The following ELP4 variants were observed in gnomAD, a reference collection of about 807,000 sequenced individuals.
The protein encoded by ELP4 is elongator complex protein 4.
A neutral mutation model predicts 48.9 loss-of-function variants in ELP4; 51 were observed. The ratio of observed to expected loss-of-function variants is 1.04; its 90% CI spans 0.83 to 1.32. The LOEUF is 1.32. ELP4 is among the 40% of genes most tolerant of loss of function. The pLI, the probability that ELP4 is intolerant of heterozygous loss-of-function variation, is 0.00. For synonymous variants in ELP4, 210 were observed against 189.2 expected, an observed-to-expected ratio of 1.11 and a Z score of -0.90; for missense variants, 519 against 514.6, an observed-to-expected ratio of 1.01 and a Z score of -0.08.
At chr11:31,532,898 A>G (rs1422483794) in intron 2 of ELP4, among the ~76,000 whole-genome samples, 5 of 150,742 alleles carry the variant, frequency 3.3e-5, no homozygotes, top group Non-Finnish European at 5.9e-5. Flanking sequence ...CAGCCTCCCA[A>G]GTAGCTGAGA....
chr11:31,605,994 A>G (rs1286920212), intron 5 of ELP4, among the ~76,000 whole-genome samples: 1 of 151,928 alleles, frequency 6.6e-6, no homozygotes, highest in East Asian at 1.9e-4. Context: ...ACACCCACCA[A>G]CGTAGGTGCC....
intron 7 of ELP4, among the ~76,000 whole-genome samples, chr11:31,640,679 C>G (rs1024081869): frequency 6.6e-6 from 1 of 151,890 alleles, no homozygotes; most frequent in African/African-American, 2.4e-5. Flanking sequence ...AAGCTCTTAG[C>G]CACAAAATGT....
intron 9 of ELP4, chr11:31,652,555 TACTGTTTTAATACTC>T (rs1180005107): frequency 2.0e-5 from 3 of 151,744 alleles, no homozygotes; most frequent in African/African-American, 7.2e-5. Flanking sequence ...GAGCAAATGC[TACTGTTTTAATACTC>T]ACAACAAATA....
intron 6 of ELP4, among the ~76,000 whole-genome samples, chr11:31,630,390 G>A (rs1944837115): frequency 6.6e-6 from 1 of 150,956 alleles, no homozygotes. Flanking sequence ...GTGAGGTGGG[G>A]CAATCTCAGC....
At chr11:31,733,981 A>G (rs1947249738) in intron 9 of ELP4, among the ~76,000 whole-genome samples, 1 of 152,218 alleles carries the variant, frequency 6.6e-6, no homozygotes. Context: ...AAAACCTAGC[A>G]AATCAAATTC....
rs920678567 is a variant in ELP4, at chr11:31,786,887, G to A, written c.*3363G>A. The A allele has an allele frequency of 9.1e-6, 2 of 218,656 alleles. No homozygotes were observed. Among genetic ancestry groups the A allele is most frequent in the Non-Finnish European group, 9.2e-6 (1 of 109,088 alleles). The allele number at this position is 218,656 out of a possible 1,614,324, so 13.5% of individuals were successfully genotyped here. On this transcript the variant is annotated 3_prime_UTR_variant, in exon 10 of 10. Transcript: ENST00000640961. The stretch of plus-strand genomic sequence containing the variant: ...CACCTGGTTTTCCCAAGTCAGTCAA[G>A]TTTGGAGAAAAAATTTAGACGTTTA...
intron 9 of ELP4, among the ~76,000 whole-genome samples, chr11:31,692,293 G>A (rs892474290): frequency 1.3e-5 from 2 of 152,088 alleles, no homozygotes; most frequent in Admixed American, 6.6e-5. Flanking sequence ...TCAGACCTTC[G>A]TCTTAATGGG....
At chr11:31,715,178 G>T (rs1946819927) in intron 9 of ELP4, 1 of 167,456 alleles carries the variant, frequency 6.0e-6, no homozygotes, top group Admixed American at 6.4e-5. Context: ...AGAGAAATTA[G>T]ACTAAATGCT....
intron 2 of ELP4, among the ~76,000 whole-genome samples, chr11:31,521,453 C>A (rs1341257269): frequency 6.6e-6 from 1 of 151,866 alleles, no homozygotes; most frequent in Admixed American, 6.6e-5. Flanking sequence ...ATTCCAAAAC[C>A]CATTTTTTTT....
chr11:31,715,291 G>A (rs1565124250), intron 9 of ELP4, among the ~76,000 whole-genome samples: 3 of 152,026 alleles, frequency 2.0e-5, no homozygotes, highest in Non-Finnish European at 4.4e-5. Flanking sequence ...TCAAAGAAGG[G>A]AATAAGAAGC....
intron 5 of ELP4, among the ~76,000 whole-genome samples, chr11:31,617,027 CT>C (rs1346565217): frequency 6.6e-6 from 1 of 152,032 alleles, no homozygotes; most frequent in African/African-American, 2.4e-5. Context: ...ATGGCAGTTT[CT>C]CAAAACCGTA....
chr11:31,669,663 A>C (rs1350345898), intron 9 of ELP4, among the ~76,000 whole-genome samples: 7 of 152,084 alleles, frequency 4.6e-5, no homozygotes, highest in African/African-American at 1.7e-4. Flanking sequence ...CACCCACAGC[A>C]CCTTACACAG....
At chr11:31,515,732 A>G (rs1300229028) in intron 1 of ELP4, among the ~76,000 whole-genome samples, 4 of 152,196 alleles carry the variant, frequency 2.6e-5, no homozygotes, top group Admixed American at 1.3e-4. Flanking sequence ...TTTCTGGGCC[A>G]GATACCTCTA....
chr11:31,778,484 C>T (rs547895988), intron 9 of ELP4, among the ~76,000 whole-genome samples: 5 of 152,324 alleles, frequency 3.3e-5, no homozygotes, highest in East Asian at 1.9e-4. Flanking sequence ...AATAAACTCA[C>T]TTGTTTTTGT....
At chr11:31,631,261 C>CA in intron 6 of ELP4, among the ~76,000 whole-genome samples, 1 of 152,186 alleles carries the variant, frequency 6.6e-6, no homozygotes, top group East Asian at 1.9e-4. Context: ...TATTTTATAG[C>CA]AATAGCAAGT....
rs1281619269 is a variant in ELP4 at position 31,788,257 on chromosome 11, G to A, written c.*4733G>A. On this transcript the variant is annotated 3_prime_UTR_variant, in exon 10 of 10. Transcript: ENST00000640961. ...GGAATGTTTGGCTTAAGCTGCCAAT[G>A]ACTGAAGGCCTTTAATTCCCACCGG... is the stretch of plus-strand genomic sequence containing the variant. 4 of 226,626 alleles carry A rather than the reference G, an allele frequency of 1.8e-5. No homozygotes were observed. The highest frequency in any genetic ancestry group is 3.5e-5 in the Non-Finnish European group (4 of 113,874). 14.0% of individuals were successfully genotyped at this position (226,626 alleles called of 1,614,324 possible).
chr11:31,567,897 G>C (rs1161042680), intron 3 of ELP4, among the ~76,000 whole-genome samples: 2 of 152,154 alleles, frequency 1.3e-5, no homozygotes, highest in Non-Finnish European at 2.9e-5. Flanking sequence ...GATGTTGATG[G>C]CTGCTGACTT....
intron 6 of ELP4, among the ~76,000 whole-genome samples, chr11:31,627,979 C>G (rs1944782695): frequency 6.6e-6 from 1 of 151,964 alleles, no homozygotes; most frequent in Non-Finnish European, 1.5e-5. Flanking sequence ...TTCTTGTAAA[C>G]TTTATTATTA....
chr11:31,688,786 A>G (rs928119693), intron 9 of ELP4, among the ~76,000 whole-genome samples: 1 of 152,204 alleles, frequency 6.6e-6, no homozygotes, highest in East Asian at 1.9e-4. Context: ...GAGATAGGAA[A>G]TTGTGAGAGT....
Sources: gnomAD v4.1 joint callset for allele counts (sites outside exome capture counted in the v4.1 genomes callset) on GRCh38, gnomAD v4.1.1 for gene constraint, MANE v1.5 for transcripts, NCBI Gene and HGNC (gene_info 2026-07-23, HGNC 2026-07-21) for gene names.